TNFSF4: variants seen among roughly 807,000 people sequenced by gnomAD.
The protein encoded by TNFSF4 is tumor necrosis factor ligand superfamily member 4.
A neutral mutation model predicts 7.3 loss-of-function variants in TNFSF4; 4 were observed. The observed-to-expected ratio is 0.55, with a 90% CI of 0.27 to 1.25. The LOEUF (loss-of-function observed/expected upper bound fraction) is 1.25, where lower values mean the gene tolerates loss of function less well. TNFSF4 is among the 50% of genes most tolerant of loss of function. The probability of loss-of-function intolerance (pLI) is 0.12; values close to 1 mark genes in which losing one functional copy is unlikely to be tolerated. For missense variants in TNFSF4, 181 were observed against 208.8 expected (o/e 0.87, Z 0.82); for synonymous variants, 76 against 83.7 (o/e 0.91, Z 0.50).
the TNFSF4 span, among the ~76,000 whole-genome samples, chr1:173,381,068 G>A: frequency 6.6e-6 from 1 of 152,114 alleles, no homozygotes; most frequent in African/African-American, 2.4e-5. Flanking sequence ...TATAGGGTTA[G>A]GAATGGCTAC....
At chr1:173,201,052 T>C (rs932892131) in intron 1 of TNFSF4, among the ~76,000 whole-genome samples, 7 of 152,246 alleles carry the variant, frequency 4.6e-5, no homozygotes, top group Non-Finnish European at 7.3e-5. Context: ...AACCAGATGA[T>C]ATGCCTCTTA....
At chr1:173,317,297 T>C in the TNFSF4 span, among the ~76,000 whole-genome samples, 2 of 152,184 alleles carry the variant, frequency 1.3e-5, no homozygotes, top group Non-Finnish European at 2.9e-5. Flanking sequence ...AAGTATACAA[T>C]ATAAATCCAT....
chr1:173,276,844 C>T, the TNFSF4 span, among the ~76,000 whole-genome samples: 3 of 152,282 alleles, frequency 2.0e-5, no homozygotes, highest in South Asian at 4.1e-4. Flanking sequence ...GCCATCACAG[C>T]GGGCTCAACA....
upstream of TNFSF4, among the ~76,000 whole-genome samples, chr1:173,208,541 A>G (rs751338534): frequency 5.3e-5 from 8 of 152,238 alleles, no homozygotes; most frequent in African/African-American, 1.4e-4. Context: ...CCTTCACTAC[A>G]ATAATTATGC....
the TNFSF4 span, among the ~76,000 whole-genome samples, chr1:173,405,475 A>G: frequency 5.3e-5 from 8 of 152,360 alleles, no homozygotes; most frequent in South Asian, 1.5e-3. Context: ...CCAATCCCTG[A>G]GCCAGAATCT....
the TNFSF4 span, among the ~76,000 whole-genome samples, chr1:173,240,030 C>CA: frequency 2.0e-4 from 30 of 151,434 alleles, no homozygotes; most frequent in African/African-American, 5.8e-4. Flanking sequence ...GACTCTGTCT[C>CA]AAAAAAAGAA....
the TNFSF4 span, among the ~76,000 whole-genome samples, chr1:173,276,634 C>T: frequency 6.6e-6 from 1 of 152,148 alleles, no homozygotes; most frequent in African/African-American, 2.4e-5. Context: ...GATTAATTTA[C>T]GAGCTCAACT....
downstream of TNFSF4, among the ~76,000 whole-genome samples, chr1:173,178,738 T>G (rs111383427): frequency 6.6e-6 from 1 of 152,166 alleles, no homozygotes; most frequent in Non-Finnish European, 1.5e-5. Context: ...CCCAAAAATA[T>G]GTATGCTCTA....
At chr1:173,209,485 G>C (rs1400853901), upstream of TNFSF4, among the ~76,000 whole-genome samples, 2 of 152,062 alleles carry the variant, frequency 1.3e-5, no homozygotes, top group Non-Finnish European at 2.9e-5. Context: ...CTAAATCTAT[G>C]GGCAATTTTT....
the TNFSF4 span, among the ~76,000 whole-genome samples, chr1:173,310,713 A>C: frequency 1.3e-5 from 2 of 151,544 alleles, no homozygotes; most frequent in Non-Finnish European, 3.0e-5. Context: ...GTCACTGAGA[A>C]ATATATGTTA....
Position 173,207,029 on chromosome 1 carries a change from G to A in TNFSF4, c.148C>T (p.Leu50Phe), listed in dbSNP as rs1650226193. 6.2e-7 allele frequency: 1 copy of A among 1,611,040 alleles called. No individual in the cohort carries two copies. The highest frequency in any genetic ancestry group is 8.5e-7 in the Non-Finnish European group (1 of 1,178,210). The part of the protein sequence containing the change: ...FTYICLHFSA[L>F]QVSHRYPRIQ... ...CGCCCAGTGGTGCATCTTACCTGAA[G>A]AGCAGAGAAGTGCAGGCAGATGTAG... The change falls in exon 1 of 3, where the codon CTT becomes TTT. Residue 50 changes from leucine to phenylalanine, a missense_variant. Coordinates refer to ENST00000281834, the MANE Select transcript of TNFSF4 (RefSeq NM_003326.5).
At chr1:173,282,068 T>C in the TNFSF4 span, among the ~76,000 whole-genome samples, 1 of 152,158 alleles carries the variant, frequency 6.6e-6, no homozygotes, top group African/African-American at 2.4e-5. Context: ...GGTAAAGAGA[T>C]ATTGGTTGAT....
At chr1:173,273,544 GATAAGTGTTAT>G in the TNFSF4 span, among the ~76,000 whole-genome samples, 2 of 152,092 alleles carry the variant, frequency 1.3e-5, no homozygotes, top group African/African-American at 2.4e-5. Flanking sequence ...ATGGCTATTT[GATAAGTGTTAT>G]TGAGATAATA....
the TNFSF4 span, among the ~76,000 whole-genome samples, chr1:173,403,686 G>A: frequency 1.3e-5 from 2 of 152,098 alleles, no homozygotes; most frequent in East Asian, 1.9e-4. Context: ...GGTGGATCAC[G>A]AGGTCAGGAG....
intron 1 of TNFSF4, chr1:173,205,174 G>T: frequency 2.0e-6 from 2 of 1,008,996 alleles, no homozygotes; most frequent in Non-Finnish European, 1.4e-6. Flanking sequence ...CAAATATCCT[G>T]AGCAAAAAAA....
At chr1:173,271,148 T>C in the TNFSF4 span, among the ~76,000 whole-genome samples, 2 of 152,132 alleles carry the variant, frequency 1.3e-5, no homozygotes, top group Non-Finnish European at 2.9e-5. Context: ...TTTAGTTTAA[T>C]TAGATCCCAT....
chr1:173,321,489 A>C, the TNFSF4 span, among the ~76,000 whole-genome samples: 1 of 152,204 alleles, frequency 6.6e-6, no homozygotes, highest in Non-Finnish European at 1.5e-5. Context: ...GGATCTAATT[A>C]AACTAAAGAG....
At chr1:173,387,847 T>C in the TNFSF4 span, among the ~76,000 whole-genome samples, 1 of 152,184 alleles carries the variant, frequency 6.6e-6, no homozygotes, top group South Asian at 2.1e-4. Context: ...TTTAAAGCCA[T>C]AAAATACCTT....
the TNFSF4 span, among the ~76,000 whole-genome samples, chr1:173,379,924 C>G: frequency 6.6e-6 from 1 of 152,182 alleles, no homozygotes; most frequent in African/African-American, 2.4e-5. Flanking sequence ...GTTCTCTGGG[C>G]CAGAAGCCCC....
Sources: gnomAD v4.1 joint callset for allele counts (sites outside exome capture counted in the v4.1 genomes callset) on GRCh38, gnomAD v4.1.1 for gene constraint, MANE v1.5 for transcripts, NCBI Gene and HGNC (gene_info 2026-07-23, HGNC 2026-07-21) for gene names.